The following ZZEF1 variants were observed in gnomAD, a reference collection of about 807,000 sequenced individuals.
ZZEF1 encodes the protein zinc finger ZZ-type and EF-hand domain containing 1.
In ZZEF1, 157 loss-of-function variants were observed where a neutral mutation model predicts 342.8. The ratio of observed to expected loss-of-function variants is 0.46; its 90% CI spans 0.40 to 0.52. ZZEF1 has a LOEUF of 0.52. ZZEF1 is among the 20% of genes least tolerant of loss of function. The pLI is 0.00. For missense variants in ZZEF1, 3,480 were observed against 3,725.6 expected (o/e 0.93, Z 1.72); for synonymous variants, 1,505 against 1,429.1 (o/e 1.05, Z -1.20).
chr17:4,102,295 A>G (rs576795395), intron 9 of ZZEF1, 22 bp downstream of exon 9: 1 of 1,608,876 alleles, frequency 6.2e-7, no homozygotes, highest in East Asian at 2.2e-5. Context: ...GCACACTAGA[A>G]ACAGACAGAC....
chr17:4,017,400 G>C lies in ZZEF1; in HGVS notation c.7972C>G (p.Gln2658Glu). 5 of 1,604,708 alleles carry C rather than the reference G, an allele frequency of 3.1e-6. No homozygotes were observed. Among genetic ancestry groups the C allele is most frequent in the Non-Finnish European group, 4.3e-6 (5 of 1,172,670 alleles). ...TCCCACTCATGCTTTTCTTCCAGCT[G>C]CATGAACATATCCAAAATGTAGGTC... The part of the protein sequence containing the change: ...HMTYILDMFM[Q>E]LEEKHEWEKI... Residue 2658 changes from glutamine (Q) to glutamate (E), a missense_variant, in exon 48 of 55, where the codon CAG becomes GAG. By Grantham distance (29) the Gln-to-Glu change is conservative (BLOSUM62 2). This residue lies in a region of ZZEF1 where 1,269 missense variants were observed against 1,342.4 expected (regional missense o/e 0.95). Transcript: ENST00000381638. This position sits in a 1 kb window ranked among gnomAD's most constrained non-coding sequence, Gnocchi z 5.1.
intron 3 of ZZEF1, among the ~76,000 whole-genome samples, chr17:4,116,652 C>T (rs2058398450): frequency 6.6e-6 from 1 of 152,208 alleles, no homozygotes; most frequent in African/African-American, 2.4e-5. Context: ...AATGCTACAA[C>T]TTCAGATAAC....
At chr17:4,074,112 T>C in intron 24 of ZZEF1, 38 bp downstream of exon 24, 1 of 1,606,432 alleles carries the variant, frequency 6.2e-7, no homozygotes, top group Non-Finnish European at 8.5e-7. Context: ...CACTTCACCG[T>C]GGTTGTAAGA....
At position 4,024,958 on chromosome 17, in the gene ZZEF1, G is replaced by A; in HGVS notation, c.7053C>T (p.Val2351=). Residue 2351 remains valine (V), a synonymous_variant, in exon 43 of 55, where the codon GTC becomes GTT. Coordinates refer to ENST00000381638, the MANE Select transcript of ZZEF1 (RefSeq NM_015113.4). ...ACAATCCTTTCAGGGCCAGGGACAG[G>A]ACCCAAGTTGCTTCTACTGCCTCGG... is the stretch of plus-strand genomic sequence containing the variant. ...HCPEAVEATW[V]LSLALKGLYK... The A allele has an allele frequency of 6.2e-7, 1 of 1,614,164 alleles. No homozygotes were observed. The highest frequency in any genetic ancestry group is 8.5e-7 in the Non-Finnish European group (1 of 1,180,030).
intron 5 of ZZEF1, among the ~76,000 whole-genome samples, chr17:4,112,300 C>A (rs1007329222): frequency 6.6e-6 from 1 of 151,012 alleles, no homozygotes; most frequent in Non-Finnish European, 1.5e-5. Context: ...TACCCACCCC[C>A]ACGCCTGGAT....
At chr17:4,122,495 T>G (rs1435586210) in intron 2 of ZZEF1, among the ~76,000 whole-genome samples, 1 of 152,104 alleles carries the variant, frequency 6.6e-6, no homozygotes, top group Non-Finnish European at 1.5e-5. Flanking sequence ...TTCTCCTGCC[T>G]TAGCCTCCCG....
chr17:4,064,042 A>C (rs964328889), intron 29 of ZZEF1, among the ~76,000 whole-genome samples: 2 of 149,554 alleles, frequency 1.3e-5, no homozygotes, highest in Admixed American at 1.3e-4. Flanking sequence ...CTAATTTTTA[A>C]AAAAAATTTT....
chr17:4,087,783 A>AACACACACAC (rs10522603), intron 13 of ZZEF1, among the ~76,000 whole-genome samples: 4,072 of 145,926 alleles, frequency 0.028, 78 homozygotes, highest in African/African-American at 0.033. Flanking sequence ...ATATACACAC[A>AACACACACAC]ACACACACAC....
At chr17:4,080,324 T>G (rs1006240626) in intron 18 of ZZEF1, among the ~76,000 whole-genome samples, 5 of 106,454 alleles carry the variant, frequency 4.7e-5, no homozygotes, top group African/African-American at 1.3e-4. Context: ...ATCTGAATTT[T>G]TTTTTTGTTT....
intron 42 of ZZEF1, among the ~76,000 whole-genome samples, chr17:4,031,230 C>T (rs956085373): frequency 2.6e-5 from 4 of 151,946 alleles, no homozygotes; most frequent in African/African-American, 4.8e-5. Context: ...GCAGAAGAAT[C>T]GCTGGAACCC....
intron 1 of ZZEF1, among the ~76,000 whole-genome samples, chr17:4,126,702 TC>T (rs2058578895): frequency 1.3e-5 from 2 of 152,020 alleles, no homozygotes; most frequent in African/African-American, 4.8e-5. Context: ...TGTCTATAAT[TC>T]CAGCACCTTG....
Position 4,062,847 on chromosome 17 carries a change from G to C in ZZEF1, c.4789C>G (p.His1597Asp). ...GGCTGCCCAAGGGATTCTGCACAGT[G>C]CTGAGTTATCTTCAGGACTTCCAGG... Reference protein sequence around the residue: ...SILEVLKITQHCAESLGQPHC... With the variant: ...SILEVLKITQDCAESLGQPHC... Residue 1597 changes from histidine (H) to aspartate (D), a missense_variant, in exon 30 of 55, where the codon CAC becomes GAC. Coordinates refer to ENST00000381638, the MANE Select transcript of ZZEF1 (RefSeq NM_015113.4). The C allele has an allele frequency of 6.2e-7, 1 of 1,613,630 alleles. No homozygotes were observed. The highest frequency in any genetic ancestry group is 1.1e-5 in the South Asian group (1 of 91,028).
At chr17:4,118,107 G>C (rs1402754292) in intron 2 of ZZEF1, among the ~76,000 whole-genome samples, 1 of 152,190 alleles carries the variant, frequency 6.6e-6, no homozygotes, top group African/African-American at 2.4e-5. Context: ...GGCTGGGAGA[G>C]AGAAGGCAGG....
At chr17:4,071,727 C>T (rs1174815857) in intron 25 of ZZEF1, among the ~76,000 whole-genome samples, 6 of 152,108 alleles carry the variant, frequency 3.9e-5, no homozygotes, top group African/African-American at 9.7e-5. Flanking sequence ...CAGAAGTGAC[C>T]GGTCTTTGGT....
rs2057158109 is a variant in ZZEF1 at position 4,056,278 on chromosome 17, C to T, written c.5233G>A (p.Asp1745Asn). The change falls in exon 33 of 55, where the codon GAT (aspartate) becomes AAT (asparagine). Residue 1745 changes from aspartate to asparagine, a missense_variant. Coordinates refer to ENST00000381638, the MANE Select transcript of ZZEF1 (RefSeq NM_015113.4). ...TCATACCAGGCCTCAAACATGCCATCCTGACACTCATCCATCCATTCTGAA... is the reference window on the plus strand; with the variant it reads ...TCATACCAGGCCTCAAACATGCCATTCTGACACTCATCCATCCATTCTGAA... ...QNSEWMDECQDGMFEAWYEKI... is the reference protein window; with the variant it reads ...QNSEWMDECQNGMFEAWYEKI... The T allele has an allele frequency of 6.3e-7, 1 of 1,596,748 alleles. No homozygotes were observed. Among genetic ancestry groups the T allele is most frequent in the African/African-American group, 1.3e-5 (1 of 74,634 alleles).
rs898187312 is a variant in ZZEF1, at chr17:4,055,359, C to T, written c.5295+857G>A. Reference sequence around the variant, plus strand: ...AAGTGGTTGGCACATAGTAGGCACTCGATACTTAGAAAATGAATGAATCTG... The same window carrying T: ...AAGTGGTTGGCACATAGTAGGCACTTGATACTTAGAAAATGAATGAATCTG... On this transcript the variant is annotated intron_variant, in intron 33 of 54. Coordinates refer to ENST00000381638, the MANE Select transcript of ZZEF1 (RefSeq NM_015113.4). 3.9e-5 allele frequency among the ~76,000 whole-genome samples: 6 copies of T among 152,168 alleles called. No homozygotes were observed. In the South Asian group the frequency reaches 6.2e-4, roughly 16 times the overall value.
intron 2 of ZZEF1, among the ~76,000 whole-genome samples, chr17:4,119,962 T>C (rs185539483): frequency 1.3e-5 from 2 of 152,304 alleles, no homozygotes; most frequent in East Asian, 3.9e-4. Flanking sequence ...GCATTCTCCA[T>C]ACTATTAGAG....
intron 9 of ZZEF1, 62 bp downstream of exon 9, chr17:4,102,255 G>C (rs1261997943): frequency 7.0e-7 from 1 of 1,436,158 alleles, no homozygotes. Context: ...TCTGGAGTGT[G>C]CTTTCACACA....
chr17:4,011,854 C>G (rs2055966935), intron 52 of ZZEF1, among the ~76,000 whole-genome samples: 3 of 152,182 alleles, frequency 2.0e-5, no homozygotes, highest in Non-Finnish European at 4.4e-5. Flanking sequence ...TTCAGAGAAG[C>G]ATGAGCATGT....
Sources: allele counts gnomAD v4.1 joint callset (sites outside exome capture counted in the v4.1 genomes callset), GRCh38; gene constraint gnomAD v4.1.1; regional missense constraint gnomAD v4.1.1; non-coding constraint Gnocchi (gnomAD v3.1); transcripts MANE v1.5; gene names NCBI Gene and HGNC (gene_info 2026-07-23, HGNC 2026-07-21).